Variants in RERGL observed in about 807,000 individuals in gnomAD.
RERGL encodes ras-related and estrogen-regulated growth inhibitor-like protein.
Under a neutral mutation model 24.7 loss-of-function variants are expected in RERGL, and 22 were observed. The observed-to-expected ratio is 0.89, with a 90% CI of 0.64 to 1.27. The LOEUF (loss-of-function observed/expected upper bound fraction) is 1.27. Among genes scored for constraint, RERGL ranks in the 50% most tolerant of loss-of-function variants. The pLI is 0.00. For synonymous variants in RERGL, 76 were observed against 82.6 expected (o/e 0.92, Z 0.43); for missense variants, 259 against 235.3 (o/e 1.10, Z -0.66).
intron 2 of RERGL, among the ~76,000 whole-genome samples, chr12:18,086,197 C>T (rs1947220923): frequency 6.6e-6 from 1 of 151,952 alleles, no homozygotes; most frequent in Non-Finnish European, 1.5e-5. Context: ...AAATGAATCT[C>T]ACCACTATCT....
chr12:18,088,732 T>C (rs1947242371), intron 2 of RERGL, among the ~76,000 whole-genome samples, 168 bp downstream of exon 2: 1 of 152,144 alleles, frequency 6.6e-6, no homozygotes, highest in African/African-American at 2.4e-5. Flanking sequence ...AAAAGAACAT[T>C]TAATTCAAGT....
chr12:18,086,179 T>A (rs978913753), intron 2 of RERGL, among the ~76,000 whole-genome samples: 6 of 152,000 alleles, frequency 3.9e-5, no homozygotes, highest in Admixed American at 3.9e-4. Context: ...AGCCAATATG[T>A]TTCTTACAAA....
chr12:18,081,495 TTTAGCAAGATTG>T, intron 4 of RERGL, 22 bp from the exon 5 acceptor site: 1 of 1,493,364 alleles, frequency 6.7e-7, no homozygotes, highest in Non-Finnish European at 9.0e-7. Flanking sequence ...ATACACAATT[TTTAGCAAGATTG>T]TTTTAACAAC....
chr12:18,084,748 C>T (rs1947204155), intron 3 of RERGL, 83 bp from the exon 4 acceptor site: 3 of 1,138,238 alleles, frequency 2.6e-6, no homozygotes, highest in African/African-American at 1.6e-5. Context: ...AATGGAGACC[C>T]ACTTCCGCTG....
chr12:18,089,301 C>A, intron 1 of RERGL: 2 of 1,591,260 alleles, frequency 1.3e-6, no homozygotes, highest in South Asian at 2.3e-5. Flanking sequence ...TTTTCTCTGT[C>A]AAACTCAGTC....
Position 18,087,536 on chromosome 12 carries a change from C to A in RERGL, c.109+1364G>T, listed in dbSNP as rs373976707. Among the ~76,000 whole-genome samples, 20 of 152,250 alleles carry A rather than the reference C, an allele frequency of 1.3e-4. No individual in the cohort carries two copies. The East Asian group carries it at 3.9e-3, about 29-fold the overall frequency. ...TATTTCCCCTTCTAGTTTTAATATA[C>A]AAAGTGGAGTCATTTTTGCTAGTTT... On this transcript the variant is annotated intron_variant, in intron 2 of 4. Transcript: ENST00000538724.
Position 18,081,341 on chromosome 12 carries a change from C to T in RERGL, c.465G>A (p.Glu155=). Residue 155 remains glutamate, a synonymous_variant, in exon 5 of 5, where the codon GAG becomes GAA. Transcript: ENST00000538724. ...RCQFCELSAA[E]QSLEVEMMFI... ...ACATCATTTCCACCTCCAGAGACTGCTCTGCTGCAGACAGTTCACAGAATT... is the reference window on the plus strand; with the variant it reads ...ACATCATTTCCACCTCCAGAGACTGTTCTGCTGCAGACAGTTCACAGAATT... 2 of 1,614,052 alleles carry T rather than the reference C, an allele frequency of 1.2e-6. No homozygotes were observed. Among genetic ancestry groups the T allele is most frequent in the Non-Finnish European group, 1.7e-6 (2 of 1,179,992 alleles).
At chr12:18,081,766 T>C (rs921668549) in intron 4 of RERGL, among the ~76,000 whole-genome samples, 8 of 152,138 alleles carry the variant, frequency 5.3e-5, no homozygotes, top group Non-Finnish European at 7.3e-5. Flanking sequence ...CCAAGTATGA[T>C]TGTTACCTTT....
At chr12:18,085,367 C>G (rs1448581471) in intron 3 of RERGL, among the ~76,000 whole-genome samples, 1 of 152,070 alleles carries the variant, frequency 6.6e-6, no homozygotes, top group Non-Finnish European at 1.5e-5. Context: ...TAGAAACAGC[C>G]TAATGTTGCA....
intron 2 of RERGL, among the ~76,000 whole-genome samples, chr12:18,086,494 T>C (rs767435006): frequency 8.5e-5 from 13 of 152,220 alleles, no homozygotes; most frequent in Non-Finnish European, 1.6e-4. Context: ...TTATTCGCCT[T>C]ATTGGTAGCA....
At chr12:18,085,986 T>C (rs1947217375) in intron 2 of RERGL, among the ~76,000 whole-genome samples, 1 of 150,610 alleles carries the variant, frequency 6.6e-6, no homozygotes. Flanking sequence ...GCCTCCCGAG[T>C]AGCTGGGACT....
chr12:18,084,532 G>T lies in RERGL; in HGVS notation c.317C>A (p.Thr106Asn). 1 of 1,605,894 alleles carries T rather than the reference G, an allele frequency of 6.2e-7. No homozygotes were observed. The highest frequency in any genetic ancestry group is 8.5e-7 in the Non-Finnish European group (1 of 1,177,528). ...AATACCTTACCTTTTACAATGACTA[G>T]TTTGTGGCTCCCGGATTCTGTAGAT... is the stretch of plus-strand genomic sequence containing the variant. ...ALIYRIREPQ[T>N]SHCKRAVESA... The change falls in exon 4 of 5, where the codon ACT (threonine) becomes AAT (asparagine). Residue 106 changes from threonine (T) to asparagine (N), a missense_variant. Physicochemically the swap from Thr to Asn is moderately conservative, Grantham distance 65 (BLOSUM62 0). Coordinates refer to ENST00000538724, the MANE Select transcript of RERGL (RefSeq NM_001286201.2).
Position 18,086,877 on chromosome 12 carries a change from C to CTGAA in RERGL, c.110-1188_110-1185dup, listed in dbSNP as rs560329091. Among the ~76,000 whole-genome samples the CTGAA allele has an allele frequency of 5.7e-3, 863 of 152,284 alleles. 5 individuals are homozygous for CTGAA. The highest frequency in any genetic ancestry group is 0.02 in the African/African-American group (815 of 41,566). ...TATCTCAACCTTAACACACTTCAAG[C>CTGAA]TGAACCCCTGATATCCCTGCAAAGG... On this transcript the variant is annotated intron_variant, in intron 2 of 4. Transcript: ENST00000538724.
intron 2 of RERGL, 97 bp from the exon 3 acceptor site, chr12:18,085,790 C>CAG: frequency 3.4e-6 from 2 of 594,620 alleles, no homozygotes; most frequent in South Asian, 4.4e-5. Flanking sequence ...GTATTGTGCT[C>CAG]TTTTTATATT....
At chr12:18,085,233 T>C (rs747503599) in intron 3 of RERGL, among the ~76,000 whole-genome samples, 16 of 152,282 alleles carry the variant, frequency 1.1e-4, no homozygotes, top group Non-Finnish European at 1.8e-4. Context: ...GTACTTAAAA[T>C]CTATTTTATT....
rs935805377 is a variant in RERGL at position 18,081,326 on chromosome 12, C to T, written c.480G>A (p.Val160=). The change falls in exon 5 of 5, where the codon GTG becomes GTA. Residue 160 remains valine, a synonymous_variant. Coordinates refer to ENST00000538724, the MANE Select transcript of RERGL (RefSeq NM_001286201.2). Reference sequence around the variant, plus strand: ...TGATAATTCTGATAAACATCATTTCCACCTCCAGAGACTGCTCTGCTGCAG... The same window carrying T: ...TGATAATTCTGATAAACATCATTTCTACCTCCAGAGACTGCTCTGCTGCAG... ...ELSAAEQSLE[V]EMMFIRIIKD... is the part of the protein sequence containing the mutation. 3 of 1,613,866 alleles carry T rather than the reference C, an allele frequency of 1.9e-6. No individual in the cohort carries two copies. The highest frequency in any genetic ancestry group is 2.5e-6 in the Non-Finnish European group (3 of 1,179,948).
intron 2 of RERGL, among the ~76,000 whole-genome samples, chr12:18,086,108 C>T (rs1035315100): frequency 6.7e-6 from 1 of 150,358 alleles, no homozygotes; most frequent in African/African-American, 2.5e-5. Flanking sequence ...CTCCTGACCT[C>T]GTAATCCACC....
In RERGL at chr12:18,081,436, G is replaced by A. The variant is rs200801104; in HGVS notation, c.370C>T (p.Arg124Ter). The change falls in exon 5 of 5, where the codon CGA becomes TGA. Residue 124 changes from arginine to a stop codon, truncating the protein, a stop_gained. Coordinates refer to ENST00000538724, the MANE Select transcript of RERGL (RefSeq NM_001286201.2). LOFTEE classifies it high-confidence loss of function. ...ESAVFLVGNK[R>*]DLCHVREVGW... is the part of the protein sequence containing the mutation. ...ACCTCTCGCACATGACAAAGATCTC[G>A]TTTGTTGCCAACCAAAAACACTGCT... is the stretch of plus-strand genomic sequence containing the variant. The A allele has an allele frequency of 7.4e-5, 120 of 1,611,776 alleles. No individual in the cohort carries two copies. Among genetic ancestry groups the A allele is most frequent in the South Asian group, 1.6e-4 (15 of 90,956 alleles).
Position 18,081,027 on chromosome 12 carries a change from C to A in RERGL, c.*164G>T. On this transcript the variant is annotated 3_prime_UTR_variant, in exon 5 of 5. Transcript: ENST00000538724. ...GAGCAGGGTACAACAACCAAAAAGGCAAACTACATATTTGAAAACACAGCT... is the reference window on the plus strand; with the variant it reads ...GAGCAGGGTACAACAACCAAAAAGGAAAACTACATATTTGAAAACACAGCT... 1.6e-6 allele frequency: 1 copy of A among 624,972 alleles called. No individual in the cohort carries two copies. The highest frequency in any genetic ancestry group is 2.6e-6 in the Non-Finnish European group (1 of 377,480). 38.7% of individuals were successfully genotyped at this position (624,972 alleles called of 1,614,324 possible).
Sources: gnomAD v4.1 joint callset for allele counts (sites outside exome capture counted in the v4.1 genomes callset) on GRCh38, gnomAD v4.1.1 for gene constraint, MANE v1.5 for transcripts, NCBI Gene and HGNC (gene_info 2026-07-23, HGNC 2026-07-21) for gene names.